NWD1: variants seen among roughly 807,000 people sequenced by gnomAD.
NWD1 encodes NACHT and WD repeat domain containing 1, also known as NACHT domain- and WD repeat-containing protein 1.
NWD1 carries 129 observed loss-of-function variants against 135.1 expected under a neutral mutation model. That is an observed-to-expected ratio of 0.96 (90% CI 0.83 to 1.11). The LOEUF (loss-of-function observed/expected upper bound fraction) is 1.11. Among genes scored for constraint, NWD1 ranks in the 50% least tolerant of loss-of-function variants. The probability of loss-of-function intolerance (pLI) is 0.00; values close to 1 mark genes in which losing one functional copy is unlikely to be tolerated. For synonymous variants in NWD1, 773 were observed against 786.0 expected, an observed-to-expected ratio of 0.98 and a Z score of 0.28; for missense variants, 1,740 against 1,851.3, an observed-to-expected ratio of 0.94 and a Z score of 1.10.
rs557162779 is a variant in NWD1 at position 16,730,305 on chromosome 19, A to C, written c.-6-887A>C. ...CCACTGCACTCCAGCCTGGTGACAG[A>C]GTAAGACTTCGTCTCAAAAAACAAA... On this transcript the variant is annotated intron_variant, in intron 2 of 18. Coordinates refer to ENST00000524140, the MANE Select transcript of NWD1 (RefSeq NM_001007525.5). 7.2e-5 allele frequency among the ~76,000 whole-genome samples: 11 copies of C among 152,086 alleles called. No individual in the cohort carries two copies. The East Asian group carries it at 1.7e-3, about 24-fold the overall frequency.
intron 13 of NWD1, 65 bp from the exon 14 acceptor site, chr19:16,791,285 A>G: frequency 6.9e-7 from 1 of 1,443,796 alleles, no homozygotes. Context: ...CTTGCATTTG[A>G]CTCCGGGAAA....
At chr19:16,725,051 G>T (rs1045937611) in intron 2 of NWD1, among the ~76,000 whole-genome samples, 1 of 150,512 alleles carries the variant, frequency 6.6e-6, no homozygotes, top group Non-Finnish European at 1.5e-5. Flanking sequence ...TCACTCTGTC[G>T]CCCAGGCTGG....
chr19:16,788,923 A>T, intron 12 of NWD1, 59 bp from the exon 13 acceptor site: 1 of 1,158,482 alleles, frequency 8.6e-7, no homozygotes, highest in Non-Finnish European at 1.3e-6. Flanking sequence ...GCATTTTAAT[A>T]GTTGCAAGGC....
At position 16,765,040 on chromosome 19, in the gene NWD1, T is replaced by C; in HGVS notation, c.2258T>C (p.Met753Thr). The change falls in exon 10 of 19, where the codon ATG (methionine) becomes ACG (threonine). Residue 753 changes from methionine (M) to threonine (T), a missense_variant. By Grantham distance (81) the Met-to-Thr change is moderately conservative. Transcript: ENST00000524140. The part of the protein sequence containing the change: ...EELKQEVLGS[M>T]SWISCRGISG... ...CCCCCCTTCTCTCCCTCAGGCAGCA[T>C]GAGCTGGATTTCCTGCCGGGGCATC... 1 of 1,614,136 alleles carries C rather than the reference T, an allele frequency of 6.2e-7. No individual in the cohort carries two copies. The highest frequency in any genetic ancestry group is 8.5e-7 in the Non-Finnish European group (1 of 1,180,004).
At chr19:16,748,465 T>C (rs1968412813) in intron 5 of NWD1, among the ~76,000 whole-genome samples, 1 of 152,130 alleles carries the variant, frequency 6.6e-6, no homozygotes, top group Non-Finnish European at 1.5e-5. Context: ...GACAGCATTG[T>C]TTTACAGTGT....
At chr19:16,764,909 G>T in intron 9 of NWD1, 125 bp from the exon 10 acceptor site, 1 of 1,016,694 alleles carries the variant, frequency 9.8e-7, no homozygotes, top group South Asian at 1.5e-5. Context: ...GAATGATCCT[G>T]CCCCAGTGTC....
At chr19:16,722,375 G>A (rs1379804952) in intron 1 of NWD1, among the ~76,000 whole-genome samples, 15 of 151,154 alleles carry the variant, frequency 9.9e-5, no homozygotes, top group Admixed American at 3.3e-4. Flanking sequence ...TGCAATGTCC[G>A]TTTCCTGGGT....
Position 16,785,638 on chromosome 19 carries a change from A to T in NWD1, c.2732-3344A>T, listed in dbSNP as rs564612937. ...TCTGAACTTATATATATATACACTT[A>T]TATATACATATTTTAATCTATATTT... On this transcript the variant is annotated intron_variant, in intron 12 of 18. Transcript: ENST00000524140. Among the ~76,000 whole-genome samples the T allele has an allele frequency of 3.3e-5, 5 of 150,654 alleles. No individual in the cohort carries two copies. In the East Asian group the frequency reaches 9.7e-4, roughly 29 times the overall value.
intron 6 of NWD1, among the ~76,000 whole-genome samples, chr19:16,755,974 G>A (rs1043657641): frequency 2.6e-5 from 4 of 152,080 alleles, no homozygotes; most frequent in African/African-American, 9.7e-5. Flanking sequence ...GCCTACTGTT[G>A]ACCAGAAGCC....
Position 16,763,943 on chromosome 19 carries a change from TG to T in NWD1, c.2251+1del, listed in dbSNP as rs745665071. 2.5e-6 allele frequency: 4 copies of T among 1,593,618 alleles called. No homozygotes were observed. Among genetic ancestry groups the T allele is most frequent in the Non-Finnish European group, 3.4e-6 (4 of 1,161,412 alleles). ...GRLEELKQEVLGSMSWISCRG... is the reference protein window; with the variant it reads ...GRLEELKQEVXGSMSWISCRG... ...CTGGAGGAGCTGAAACAGGAGGTTC[TG>T]GGTAAGGGCTGCCCCCCATCTCAGA... On this transcript the variant is annotated frameshift_variant and splice_region_variant, in exon 9 of 19. Transcript: ENST00000524140. LOFTEE classifies it high-confidence loss of function.
At chr19:16,744,197 C>T (rs145522776) in intron 4 of NWD1, among the ~76,000 whole-genome samples, 18 of 151,986 alleles carry the variant, frequency 1.2e-4, no homozygotes, top group South Asian at 8.3e-4. Context: ...AATACCAGCC[C>T]GGGTAATGTA....
intron 6 of NWD1, among the ~76,000 whole-genome samples, chr19:16,757,201 C>T (rs1020046166): frequency 9.9e-5 from 15 of 152,136 alleles, no homozygotes; most frequent in Non-Finnish European, 1.2e-4. Context: ...TCCAAGAAAC[C>T]GGTCCCTGGT....
intron 12 of NWD1, among the ~76,000 whole-genome samples, chr19:16,787,662 C>A (rs1202741665): frequency 6.6e-6 from 1 of 151,606 alleles, no homozygotes; most frequent in Admixed American, 6.6e-5. Flanking sequence ...GAGCTTGAGA[C>A]CAGCCTGGCC....
chr19:16,736,267 C>G (rs543284665), intron 3 of NWD1, among the ~76,000 whole-genome samples: 28 of 129,094 alleles, frequency 2.2e-4, no homozygotes, highest in African/African-American at 7.8e-4. Flanking sequence ...CCTGGCTCTG[C>G]TGTCCAGGCT....
chr19:16,745,347 A>T (rs1968266910), intron 5 of NWD1, among the ~76,000 whole-genome samples: 1 of 152,098 alleles, frequency 6.6e-6, no homozygotes, highest in African/African-American at 2.4e-5. Context: ...AGACACAGCC[A>T]AACCATATCA....
At chr19:16,811,567 A>T (rs937724523) in intron 18 of NWD1, among the ~76,000 whole-genome samples, 1 of 149,438 alleles carries the variant, frequency 6.7e-6, no homozygotes, top group Non-Finnish European at 1.5e-5. Context: ...CAGGGCAACA[A>T]GAGCGAGACT....
At chr19:16,782,882 TTC>T (rs1351039021) in intron 12 of NWD1, among the ~76,000 whole-genome samples, 4 of 135,112 alleles carry the variant, frequency 3.0e-5, no homozygotes, top group Non-Finnish European at 5.0e-5. Flanking sequence ...CTTTCTTTCT[TTC>T]TCTTTCTTTT....
rs533506209 is a variant in NWD1 at position 16,812,967 on chromosome 19, C to T, written c.4288-2061C>T. Reference sequence around the variant, plus strand: ...GGCCACCTCTAGCTGCATCCCTTAGCTTTTAGGAAGGTGTCTGCAGGCAAA... The same window carrying T: ...GGCCACCTCTAGCTGCATCCCTTAGTTTTTAGGAAGGTGTCTGCAGGCAAA... On this transcript the variant is annotated intron_variant, in intron 18 of 18. Transcript: ENST00000524140. 107 of 700,990 alleles carry T rather than the reference C, an allele frequency of 1.5e-4. No individual in the cohort carries two copies. In the East Asian group the frequency reaches 2.6e-3, roughly 17 times the overall value. The allele number at this position is 700,990 out of a possible 1,614,324, so 43.4% of individuals were successfully genotyped here.
In NWD1 at chr19:16,749,988, G is replaced by A. The variant is rs139108504; in HGVS notation, c.1346G>A (p.Arg449Gln). The change falls in exon 6 of 19, where the codon CGG becomes CAG. Residue 449 changes from arginine (R) to glutamine (Q), a missense_variant. Coordinates refer to ENST00000524140, the MANE Select transcript of NWD1 (RefSeq NM_001007525.5). The stretch of plus-strand genomic sequence containing the variant: ...GACCTGGACTCTGTCCGCCATGCTC[G>A]GAGGGTTCCCTGGCTGCCTCTCAAC... ...MDDLDSVRHA[R>Q]RVPWLPLNCP... The A allele has an allele frequency of 1.5e-5, 25 of 1,613,762 alleles. No individual in the cohort carries two copies. Among genetic ancestry groups the A allele is most frequent in the South Asian group, 3.3e-5 (3 of 91,088 alleles).
Sources: allele counts gnomAD v4.1 joint callset (sites outside exome capture counted in the v4.1 genomes callset), GRCh38; gene constraint gnomAD v4.1.1; transcripts MANE v1.5; gene names NCBI Gene and HGNC (gene_info 2026-07-23, HGNC 2026-07-21).